C1orf21: variants seen among roughly 807,000 people sequenced by gnomAD.
C1orf21 encodes chromosome 1 open reading frame 21.
In C1orf21, 3 loss-of-function variants were observed where a neutral mutation model predicts 18.7. That is an observed-to-expected ratio of 0.16 (90% CI 0.07 to 0.42). The LOEUF (loss-of-function observed/expected upper bound fraction) is 0.42, where lower values mean the gene tolerates loss of function less well. Ranked by LOEUF, C1orf21 falls within the 10% of genes least tolerant of loss-of-function variation. C1orf21 has a pLI of 0.99. For synonymous variants in C1orf21, 41 were observed against 46.4 expected (o/e 0.88, Z 0.47); for missense variants, 104 against 143.6 (o/e 0.72, Z 1.41).
chr1:184,577,401 G>A (rs377311881), intron 3 of C1orf21, among the ~76,000 whole-genome samples: 1 of 151,990 alleles, frequency 6.6e-6, no homozygotes, highest in Non-Finnish European at 1.5e-5. Flanking sequence ...GAAGGAAGGC[G>A]GCCCTCCAGA....
At chr1:184,595,517 A>G (rs1398447483) in intron 4 of C1orf21, among the ~76,000 whole-genome samples, 1 of 152,192 alleles carries the variant, frequency 6.6e-6, no homozygotes, top group East Asian at 1.9e-4. Context: ...ATGTTTATCT[A>G]GACAGGAATC....
At chr1:184,610,779 C>T (rs12089761) in intron 5 of C1orf21, among the ~76,000 whole-genome samples, 29,312 of 147,724 alleles carry the variant, frequency 0.2, 3,315 homozygotes, top group African/African-American at 0.32. Context: ...ACCTGGGAGG[C>T]GGAGCTTGTA....
intron 2 of C1orf21, among the ~76,000 whole-genome samples, chr1:184,505,229 C>T (rs1658035390): frequency 6.7e-6 from 1 of 148,654 alleles, no homozygotes; most frequent in South Asian, 2.1e-4. Flanking sequence ...TCAGAAGGTT[C>T]TGCTTAGGTC....
At chr1:184,390,182 T>G (rs192844359) in intron 1 of C1orf21, among the ~76,000 whole-genome samples, 2 of 152,376 alleles carry the variant, frequency 1.3e-5, no homozygotes, top group East Asian at 3.9e-4. Context: ...GAGAGAGCAT[T>G]GCTTTGTTTG....
chr1:184,432,024 C>T (rs1266881785), intron 1 of C1orf21, among the ~76,000 whole-genome samples: 1 of 152,202 alleles, frequency 6.6e-6, no homozygotes, highest in Non-Finnish European at 1.5e-5. Context: ...CAGGAAACAA[C>T]AGATGCTGGA....
intron 1 of C1orf21, among the ~76,000 whole-genome samples, chr1:184,405,491 G>A (rs1380672744): frequency 3.9e-5 from 6 of 152,084 alleles, no homozygotes; most frequent in Admixed American, 3.9e-4. Context: ...CACCACACCT[G>A]GCCCTAAAAA....
chr1:184,419,814 G>A (rs1177599857), intron 1 of C1orf21, among the ~76,000 whole-genome samples: 2 of 152,286 alleles, frequency 1.3e-5, no homozygotes, highest in South Asian at 2.1e-4. Flanking sequence ...TGGGCATCGA[G>A]GCCAGTGTGG....
rs562730963 is a variant in C1orf21 at position 184,422,101 on chromosome 1, A to G, written c.-125+34733A>G. Among the ~76,000 whole-genome samples the G allele has an allele frequency of 5.3e-5, 8 of 152,296 alleles. No homozygotes were observed. In the South Asian group the frequency reaches 8.3e-4, roughly 16 times the overall value. ...CCGATGGGATGGCTTTGGCTGATGG[A>G]TAAGATTTCAGTGGGTCAAGATGGC... On this transcript the variant is annotated intron_variant, in intron 1 of 5. Coordinates refer to ENST00000235307, the MANE Select transcript of C1orf21 (RefSeq NM_030806.4).
intron 3 of C1orf21, among the ~76,000 whole-genome samples, chr1:184,531,322 T>C (rs1658459690): frequency 6.6e-6 from 1 of 152,316 alleles, no homozygotes; most frequent in East Asian, 1.9e-4. Flanking sequence ...TTTCTATGTC[T>C]GCCATCTTCT....
At chr1:184,481,527 G>T (rs1380892104) in intron 2 of C1orf21, among the ~76,000 whole-genome samples, 1 of 152,080 alleles carries the variant, frequency 6.6e-6, no homozygotes, top group African/African-American at 2.4e-5. Context: ...TTACAGCAAG[G>T]GTATAGGTGC....
At chr1:184,457,667 T>C (rs1349093307) in intron 1 of C1orf21, among the ~76,000 whole-genome samples, 1 of 152,148 alleles carries the variant, frequency 6.6e-6, no homozygotes, top group Non-Finnish European at 1.5e-5. Flanking sequence ...GCCTCTCCGA[T>C]GGGTATCTTG....
intron 1 of C1orf21, among the ~76,000 whole-genome samples, chr1:184,448,746 C>T (rs992824497): frequency 6.6e-6 from 1 of 152,140 alleles, no homozygotes; most frequent in South Asian, 2.1e-4. Flanking sequence ...GATCTCATTT[C>T]CTGAAGAAAG....
intron 3 of C1orf21, among the ~76,000 whole-genome samples, chr1:184,539,109 A>G (rs1208686810): frequency 2.0e-5 from 3 of 152,156 alleles, no homozygotes; most frequent in African/African-American, 7.2e-5. Context: ...ATCTTTCACC[A>G]TTGAGTATGA....
chr1:184,575,624 AAAAAAAAG>A (rs962067133), intron 3 of C1orf21, among the ~76,000 whole-genome samples: 4 of 150,536 alleles, frequency 2.7e-5, no homozygotes, highest in African/African-American at 9.8e-5. Flanking sequence ...AAAAAAAAAA[AAAAAAAAG>A]AAGAACTTTA....
intron 1 of C1orf21, among the ~76,000 whole-genome samples, chr1:184,460,780 C>T (rs953182131): frequency 6.8e-6 from 1 of 146,614 alleles, no homozygotes; most frequent in Non-Finnish European, 1.5e-5. Context: ...CTCCTGGGTT[C>T]AATCAGTCTT....
Position 184,625,666 on chromosome 1 carries a change from G to A in C1orf21, c.*6110G>A, listed in dbSNP as rs1659996569. On this transcript the variant is annotated 3_prime_UTR_variant, in exon 6 of 6. Coordinates refer to ENST00000235307, the MANE Select transcript of C1orf21 (RefSeq NM_030806.4). Reference sequence around the variant, plus strand: ...TCTGTAATCTCCAAGATAGTGTCTAGGAAAGTAATAGTATAACTATAGGGA... The same window carrying A: ...TCTGTAATCTCCAAGATAGTGTCTAAGAAAGTAATAGTATAACTATAGGGA... The A allele has an allele frequency of 6.6e-6, 1 of 152,528 alleles. No homozygotes were observed. The highest frequency in any genetic ancestry group is 1.5e-5 in the Non-Finnish European group (1 of 68,018). The allele number at this position is 152,528 out of a possible 1,614,324, so 9.4% of individuals were successfully genotyped here.
intron 3 of C1orf21, among the ~76,000 whole-genome samples, chr1:184,575,954 T>C (rs1421183817): frequency 6.6e-6 from 1 of 151,420 alleles, no homozygotes. Flanking sequence ...CAGGAGGTCA[T>C]GAAAAAAAAA....
chr1:184,449,118 T>A (rs1430285901), intron 1 of C1orf21, among the ~76,000 whole-genome samples: 1 of 152,172 alleles, frequency 6.6e-6, no homozygotes, highest in Non-Finnish European at 1.5e-5. Flanking sequence ...GTTACATATG[T>A]ATACATGTGC....
intron 1 of C1orf21, among the ~76,000 whole-genome samples, chr1:184,426,086 C>A (rs1656632960): frequency 6.6e-6 from 1 of 152,242 alleles, no homozygotes; most frequent in African/African-American, 2.4e-5. Flanking sequence ...TTGGAAAGGG[C>A]AGGGCCAAGG....
Sources: allele counts gnomAD v4.1 joint callset (sites outside exome capture counted in the v4.1 genomes callset), GRCh38; gene constraint gnomAD v4.1.1; transcripts MANE v1.5; gene names NCBI Gene and HGNC (gene_info 2026-07-23, HGNC 2026-07-21).